FAT1: variants seen among roughly 807,000 people sequenced by gnomAD.
The protein encoded by FAT1 is protocadherin Fat 1.
A neutral mutation model predicts 329.8 loss-of-function variants in FAT1; 171 were observed. The observed-to-expected ratio is 0.52, with a 90% CI of 0.46 to 0.59. The LOEUF (loss-of-function observed/expected upper bound fraction) is 0.59, where lower values mean the gene tolerates loss of function less well. FAT1 is among the 20% of genes least tolerant of loss of function. The probability of loss-of-function intolerance (pLI) is 0.00; values close to 1 mark genes in which losing one functional copy is unlikely to be tolerated. For synonymous variants in FAT1, 2,233 were observed against 2,228.6 expected, an observed-to-expected ratio of 1.00 and a Z score of -0.06; for missense variants, 5,672 against 5,774.4, an observed-to-expected ratio of 0.98 and a Z score of 0.57.
At chr4:186,692,351 C>T (rs1199027906) in intron 2 of FAT1, among the ~76,000 whole-genome samples, 14 of 151,648 alleles carry the variant, frequency 9.2e-5, no homozygotes, top group Non-Finnish European at 1.8e-4. Flanking sequence ...CTCGCTCTGT[C>T]GCCCAGGCTG....
chr4:186,627,200 G>A (rs1406249501), intron 9 of FAT1, among the ~76,000 whole-genome samples: 11 of 102,772 alleles, frequency 1.1e-4, no homozygotes, highest in Non-Finnish European at 1.8e-4. Flanking sequence ...GACCAACATG[G>A]CACCTGGCAC....
rs763755997 is a variant in FAT1 at position 186,663,388 on chromosome 4, A to T, written c.3491T>A (p.Phe1164Tyr). 2.5e-6 allele frequency: 4 copies of T among 1,613,910 alleles called. No homozygotes were observed. The highest frequency in any genetic ancestry group is 3.4e-6 in the Non-Finnish European group (4 of 1,179,908). Residue 1164 changes from phenylalanine (F) to tyrosine (Y), a missense_variant, in exon 3 of 27, where the codon TTT becomes TAT. Physicochemically the swap from Phe to Tyr is conservative, Grantham distance 22. This residue lies in a region of FAT1 where 3,966 missense variants were observed against 3,915.2 expected (regional missense o/e 1.01). Transcript: ENST00000441802. The part of the protein sequence containing the change: ...KDVSVVQIEA[F>Y]DPDSSSNDKL... ...GTCATTAGAGCTCGAATCTGGATCAAATGCCTCGATCTGGACCACAGATAC... is the reference window on the plus strand; with the variant it reads ...GTCATTAGAGCTCGAATCTGGATCATATGCCTCGATCTGGACCACAGATAC...
chr4:186,708,929 A>C lies in FAT1; in HGVS notation c.899T>G (p.Leu300Arg), dbSNP rs1389256725. ...GGACCTCACTGTTCTAAACTGCTGG[A>C]GAAGGTCACCTGCCACGATGCTTAA... ...ASLSIVAGDL[L>R]QQFRTVRSFP... The change falls in exon 2 of 27, where the codon CTC becomes CGC. Residue 300 changes from leucine to arginine, a missense_variant. This residue lies in a region of FAT1 where 3,966 missense variants were observed against 3,915.2 expected (regional missense o/e 1.01). Coordinates refer to ENST00000441802, the MANE Select transcript of FAT1 (RefSeq NM_005245.4). 6.2e-7 allele frequency: 1 copy of C among 1,613,960 alleles called. No individual in the cohort carries two copies. Among genetic ancestry groups the C allele is most frequent in the South Asian group, 1.1e-5 (1 of 91,080 alleles).
chr4:186,684,345 G>A (rs1378024482), intron 2 of FAT1, among the ~76,000 whole-genome samples: 1 of 152,104 alleles, frequency 6.6e-6, no homozygotes, highest in African/African-American at 2.4e-5. Flanking sequence ...GAGTGCTTCC[G>A]TGCTGGACCC....
chr4:186,629,260 TAAAAAGA>T (rs1740474044), intron 7 of FAT1, among the ~76,000 whole-genome samples: 1 of 152,056 alleles, frequency 6.6e-6, no homozygotes, highest in Non-Finnish European at 1.5e-5. Context: ...TTTTAATACG[TAAAAAGA>T]AAAAATAAGA....
At chr4:186,697,360 C>A (rs1381341035) in intron 2 of FAT1, among the ~76,000 whole-genome samples, 1 of 152,194 alleles carries the variant, frequency 6.6e-6, no homozygotes, top group Non-Finnish European at 1.5e-5. Context: ...GGGCCGGCTG[C>A]GGGACCTCAG....
Position 186,620,341 on chromosome 4 carries a change from A to T in FAT1, c.6245T>A (p.Val2082Asp), listed in dbSNP as rs2126514707. 6.2e-7 allele frequency: 1 copy of T among 1,613,994 alleles called. No individual in the cohort carries two copies. Among genetic ancestry groups the T allele is most frequent in the Non-Finnish European group, 8.5e-7 (1 of 1,179,882 alleles). ...AACAACGGCGTAGTAGGGAAGGTTG[A>T]CAAACACCGGCGCATTATCATTTTG... ...EDQNDNAPVF[V>D]NLPYYAVVKV... Residue 2082 changes from valine to aspartate, a missense_variant, in exon 10 of 27, where the codon GTC (valine) becomes GAC (aspartate). Coordinates refer to ENST00000441802, the MANE Select transcript of FAT1 (RefSeq NM_005245.4).
At position 186,589,044 on chromosome 4, in the gene FAT1, G is replaced by A. The variant is rs751622993; in HGVS notation, c.13315C>T (p.Pro4439Ser). The change falls in exon 27 of 27, where the codon CCA (proline) becomes TCA (serine). Residue 4439 changes from proline (P) to serine (S), a missense_variant. Coordinates refer to ENST00000441802, the MANE Select transcript of FAT1 (RefSeq NM_005245.4). ...TCATCAGCTGCGGGGAAGTCTTCTG[G>A]GGGTGGAGGAAAATCACTTTCGATG... ...YDIESDFPPP[P>S]EDFPAADELP... is the part of the protein sequence containing the mutation. The A allele has an allele frequency of 6.2e-7, 1 of 1,613,908 alleles. No homozygotes were observed. Among genetic ancestry groups the A allele is most frequent in the South Asian group, 1.1e-5 (1 of 91,070 alleles).
At position 186,639,746 on chromosome 4, in the gene FAT1, T is replaced by C. The variant is rs761952999; in HGVS notation, c.3618A>G (p.Glu1206=). Reference sequence around the variant, plus strand: ...CCTCTAATATGTGTTCATCTTGCTGTTCTCGGTCTAGCTTCCTTGACGTAG... The same window carrying C: ...CCTCTAATATGTGTTCATCTTGCTGCTCTCGGTCTAGCTTCCTTGACGTAG... ...ITTTSRKLDR[E]QQDEHILEVT... The change falls in exon 4 of 27, where the codon GAA becomes GAG. Residue 1206 remains glutamate (E), a synonymous_variant. Transcript: ENST00000441802. 1 of 1,613,080 alleles carries C rather than the reference T, an allele frequency of 6.2e-7. No homozygotes were observed. The highest frequency in any genetic ancestry group is 8.5e-7 in the Non-Finnish European group (1 of 1,179,386).
rs2126426575 is a variant in FAT1, at chr4:186,603,340, C to G, written c.11186G>C (p.Arg3729Thr). Residue 3729 changes from arginine (R) to threonine (T), a missense_variant, in exon 19 of 27, where the codon AGG becomes ACG. Around this residue, in one of 2 missense-constraint regions of FAT1, gnomAD observed 1,706 missense variants for 1,859.1 expected, o/e 0.92. Transcript: ENST00000441802. ...GAGTTTCTGGAATACATTCAGTATCCTAACTCCAATGATTTCCTCAATGTC... is the reference window on the plus strand; with the variant it reads ...GAGTTTCTGGAATACATTCAGTATCGTAACTCCAATGATTTCCTCAATGTC... ...VTDIEEIIGVRILNVFQKLCA... is the reference protein window; with the variant it reads ...VTDIEEIIGVTILNVFQKLCA... 1.2e-6 allele frequency: 2 copies of G among 1,613,996 alleles called. No individual in the cohort carries two copies. The highest frequency in any genetic ancestry group is 2.2e-5 in the South Asian group (2 of 91,078).
rs192138938 is a variant in FAT1, at chr4:186,664,416, A to G, written c.3266-803T>C. On this transcript the variant is annotated intron_variant, in intron 2 of 26. Coordinates refer to ENST00000441802, the MANE Select transcript of FAT1 (RefSeq NM_005245.4). ...TCCGCAGCACCTTACACAAAGCACA[A>G]TAACGTATTAAATACACAAGTGAAA... Among the ~76,000 whole-genome samples, 876 of 152,338 alleles carry G rather than the reference A, an allele frequency of 5.8e-3. 5 individuals are homozygous for G. The highest frequency in any genetic ancestry group is 9.8e-3 in the Non-Finnish European group (664 of 68,028).
At chr4:186,602,239 T>C (rs1367982416) in intron 20 of FAT1, among the ~76,000 whole-genome samples, 1 of 152,176 alleles carries the variant, frequency 6.6e-6, no homozygotes, top group Non-Finnish European at 1.5e-5. Context: ...CCTTCATACA[T>C]AACTGGGAGA....
At chr4:186,684,343 C>T (rs1188921112) in intron 2 of FAT1, among the ~76,000 whole-genome samples, 2 of 152,172 alleles carry the variant, frequency 1.3e-5, no homozygotes, top group African/African-American at 4.8e-5. Flanking sequence ...AGGAGTGCTT[C>T]CGTGCTGGAC....
At chr4:186,682,114 T>G (rs1379551115) in intron 2 of FAT1, among the ~76,000 whole-genome samples, 3 of 152,212 alleles carry the variant, frequency 2.0e-5, no homozygotes, top group Non-Finnish European at 4.4e-5. Context: ...CGTTGGATGA[T>G]CTCCTTATCT....
At chr4:186,609,363 G>A (rs1015007023) in intron 15 of FAT1, 43 bp from the exon 16 acceptor site, 3 of 1,572,920 alleles carry the variant, frequency 1.9e-6, no homozygotes, top group African/African-American at 1.4e-5. Flanking sequence ...GCTAAGAAGA[G>A]GCCTAAACCT....
intron 14 of FAT1, among the ~76,000 whole-genome samples, chr4:186,610,411 T>A (rs1739349427): frequency 6.6e-6 from 1 of 151,778 alleles, no homozygotes; most frequent in African/African-American, 2.4e-5. Flanking sequence ...CTCATCTTTT[T>A]AAAATATTTT....
rs1248600067 is a variant in FAT1 at position 186,639,704 on chromosome 4, G to C, written c.3642+18C>G. 2.6e-6 allele frequency: 4 copies of C among 1,550,942 alleles called. No individual in the cohort carries two copies. The highest frequency in any genetic ancestry group is 3.5e-6 in the Non-Finnish European group (4 of 1,135,118). On this transcript the variant is annotated intron_variant, in intron 4 of 26. Transcript: ENST00000441802. ...TAACTACGAATCTTTAAGTATTAAA[G>C]ATAAAAAAAAAACTTACCTCTAATA...
At chr4:186,604,239 G>A (rs1314491453) in intron 18 of FAT1, 138 bp downstream of exon 18, 1 of 741,856 alleles carries the variant, frequency 1.3e-6, no homozygotes, top group African/African-American at 1.8e-5. Flanking sequence ...TGGAAGGTAT[G>A]GCAAAAAACA....
chr4:186,594,816 C>T (rs1205921005), intron 26 of FAT1, among the ~76,000 whole-genome samples: 1 of 150,490 alleles, frequency 6.6e-6, no homozygotes, highest in Non-Finnish European at 1.5e-5. Flanking sequence ...GACTATATTA[C>T]TCTGGATTGA....
Sources: allele counts gnomAD v4.1 joint callset (sites outside exome capture counted in the v4.1 genomes callset), GRCh38; gene constraint gnomAD v4.1.1; regional missense constraint gnomAD v4.1.1; transcripts MANE v1.5; gene names NCBI Gene and HGNC (gene_info 2026-07-23, HGNC 2026-07-21).